SMAD2: variants seen among roughly 807,000 people sequenced by gnomAD.
SMAD2 encodes MAD homolog 2.
SMAD2 carries 8 observed loss-of-function variants against 64.4 expected under a neutral mutation model. That is an observed-to-expected ratio of 0.12 (90% CI 0.07 to 0.22). The LOEUF is 0.22. SMAD2 is among the 10% of genes least tolerant of loss of function. The probability of loss-of-function intolerance (pLI) is 1.00; values close to 1 mark genes in which losing one functional copy is unlikely to be tolerated. For synonymous variants in SMAD2, 203 were observed against 195.8 expected (o/e 1.04, Z -0.31); for missense variants, 289 against 561.2 (o/e 0.51, Z 4.90).
intron 10 of SMAD2, among the ~76,000 whole-genome samples, chr18:47,843,697 A>G (rs1291058135): frequency 6.6e-6 from 1 of 152,200 alleles, no homozygotes; most frequent in Non-Finnish European, 1.5e-5. Flanking sequence ...ATGTTACAGG[A>G]AACTACTTGA....
rs1390118161 is a variant in SMAD2 at position 47,832,237 on chromosome 18, A to AGAACAGTGTCACTACTTCAAGCT, written c.*9567_*9589dup. On this transcript the variant is annotated 3_prime_UTR_variant, in exon 11 of 11. Transcript: ENST00000262160. ...GGCCATTATAAAAATCTCCTGATAC[A>AGAACAGTGTCACTACTTCAAGCT]GAACAGTGTCACTACTTCAAGCTAA... 7 of 152,234 alleles carry AGAACAGTGTCACTACTTCAAGCT rather than the reference A, an allele frequency of 4.6e-5. No homozygotes were observed. The highest frequency in any genetic ancestry group is 1.0e-4 in the Non-Finnish European group (7 of 68,038). 9.4% of individuals were successfully genotyped at this position (152,234 alleles called of 1,614,324 possible). A position where few individuals can be genotyped will look rare whatever the true frequency, so the allele number is the denominator to read the frequency against.
Position 47,835,299 on chromosome 18 carries a change from C to A in SMAD2, c.*6528G>T, listed in dbSNP as rs1396970893. 1 of 209,202 alleles carries A rather than the reference C, an allele frequency of 4.8e-6. No homozygotes were observed. Among genetic ancestry groups the A allele is most frequent in the Non-Finnish European group, 9.7e-6 (1 of 102,862 alleles). The allele number at this position is 209,202 out of a possible 1,614,324, so 13.0% of individuals were successfully genotyped here. On this transcript the variant is annotated 3_prime_UTR_variant, in exon 11 of 11. Coordinates refer to ENST00000262160, the MANE Select transcript of SMAD2 (RefSeq NM_005901.6). ...AAAAATTCAAAACTCATGCATGTTACCTACTTGTCATGTGTGAATTATTTC... is the reference window on the plus strand; with the variant it reads ...AAAAATTCAAAACTCATGCATGTTAACTACTTGTCATGTGTGAATTATTTC...
intron 2 of SMAD2, among the ~76,000 whole-genome samples, chr18:47,874,208 T>C (rs891453033): frequency 6.6e-6 from 1 of 152,180 alleles, no homozygotes; most frequent in African/African-American, 2.4e-5. Flanking sequence ...ATAAAATGTA[T>C]ATGGAAATAC....
Position 47,833,436 on chromosome 18 carries a change from T to G in SMAD2, c.*8391A>C, listed in dbSNP as rs1913108699. 1 of 227,702 alleles carries G rather than the reference T, an allele frequency of 4.4e-6. No homozygotes were observed. The highest frequency in any genetic ancestry group is 5.7e-5 in the Admixed American group (1 of 17,612). 14.1% of individuals were successfully genotyped at this position (227,702 alleles called of 1,614,324 possible). A position where few individuals can be genotyped will look rare whatever the true frequency, so the allele number is the denominator to read the frequency against. ...TAAAAAAGGAACCACATCGTACTTT[T>G]GACAATCATAGAACGAAAGCTCACA... is the stretch of plus-strand genomic sequence containing the variant. On this transcript the variant is annotated 3_prime_UTR_variant, in exon 11 of 11. Coordinates refer to ENST00000262160, the MANE Select transcript of SMAD2 (RefSeq NM_005901.6).
chr18:47,846,356 A>G (rs1480452325), intron 8 of SMAD2, among the ~76,000 whole-genome samples: 1 of 152,150 alleles, frequency 6.6e-6, no homozygotes, highest in Non-Finnish European at 1.5e-5. Context: ...CACAGATGCA[A>G]AATAATATGA....
In SMAD2 at chr18:47,838,974, T is replaced by A. The variant is rs1403026680; in HGVS notation, c.*2853A>T. 8 of 232,284 alleles carry A rather than the reference T, an allele frequency of 3.4e-5. No individual in the cohort carries two copies. In the Admixed American group the frequency reaches 4.0e-4, roughly 11 times the overall value. The allele number at this position is 232,284 out of a possible 1,614,324, so 14.4% of individuals were successfully genotyped here. A position where few individuals can be genotyped will look rare whatever the true frequency, so the allele number is the denominator to read the frequency against. On this transcript the variant is annotated 3_prime_UTR_variant, in exon 11 of 11. Transcript: ENST00000262160. ...AAAATTCAACAAAGAGGGGATTCTA[T>A]CACTTAGAAAAATGAAAACCACACC...
chr18:47,893,756 T>A (rs2033313813), intron 2 of SMAD2, among the ~76,000 whole-genome samples: 1 of 152,184 alleles, frequency 6.6e-6, no homozygotes, highest in Non-Finnish European at 1.5e-5. Flanking sequence ...AAAAACAAGC[T>A]TTATAAAATA....
chr18:47,888,722 G>A (rs573164718), intron 2 of SMAD2, among the ~76,000 whole-genome samples: 5 of 152,312 alleles, frequency 3.3e-5, no homozygotes, highest in African/African-American at 1.2e-4. Context: ...ACTCTGGGGA[G>A]AGCATTATTT....
In SMAD2 at chr18:47,820,362, G is replaced by A. The variant is rs1404722356; in HGVS notation, c.*21465C>T. On this transcript the variant is annotated 3_prime_UTR_variant, in exon 11 of 11. Transcript: ENST00000262160. ...AAATACACAATTCCATATACAAAGT[G>A]TACCCAAAAAAAGATGTTTTGATGA... 1 of 152,050 alleles carries A rather than the reference G, an allele frequency of 6.6e-6. No individual in the cohort carries two copies. The highest frequency in any genetic ancestry group is 1.5e-5 in the Non-Finnish European group (1 of 68,006). The allele number at this position is 152,050 out of a possible 1,614,324, so 9.4% of individuals were successfully genotyped here.
At position 47,814,540 on chromosome 18, in the gene SMAD2, G is replaced by A. The variant is rs1002113344; in HGVS notation, c.*27287C>T. The A allele has an allele frequency of 6.6e-6, 1 of 152,214 alleles. No individual in the cohort carries two copies. The highest frequency in any genetic ancestry group is 2.4e-5 in the African/African-American group (1 of 41,444). The allele number at this position is 152,214 out of a possible 1,614,324, so 9.4% of individuals were successfully genotyped here. A position where few individuals can be genotyped will look rare whatever the true frequency, so the allele number is the denominator to read the frequency against. ...AGTGGAATGACTCCCAGGGCAGGGA[G>A]AGATTGATTGAGATTGCAATTGCCC... On this transcript the variant is annotated 3_prime_UTR_variant, in exon 11 of 11. Coordinates refer to ENST00000262160, the MANE Select transcript of SMAD2 (RefSeq NM_005901.6).
intron 1 of SMAD2, among the ~76,000 whole-genome samples, chr18:47,909,778 C>G (rs1480573590): frequency 6.6e-6 from 1 of 152,188 alleles, no homozygotes; most frequent in Non-Finnish European, 1.5e-5. Flanking sequence ...CAGTAAAAGA[C>G]TGCCTTTTAA....
chr18:47,919,521 A>ACAC (rs1568117016), intron 1 of SMAD2, among the ~76,000 whole-genome samples: 24 of 136,928 alleles, frequency 1.8e-4, no homozygotes, highest in African/African-American at 5.3e-4. Flanking sequence ...CACACACACA[A>ACAC]AGAATAGGAG....
At chr18:47,892,730 A>C (rs1598849273) in intron 2 of SMAD2, among the ~76,000 whole-genome samples, 1 of 152,202 alleles carries the variant, frequency 6.6e-6, no homozygotes, top group Non-Finnish European at 1.5e-5. Context: ...GGACTGGTGG[A>C]AAAAATGATA....
chr18:47,898,858 C>A (rs1205527516), intron 1 of SMAD2, among the ~76,000 whole-genome samples: 1 of 150,326 alleles, frequency 6.7e-6, no homozygotes, highest in Non-Finnish European at 1.5e-5. Context: ...GGCAGCTTGC[C>A]ATTTATTCAT....
intron 1 of SMAD2, among the ~76,000 whole-genome samples, chr18:47,916,156 C>T (rs1237273986): frequency 6.6e-6 from 1 of 152,146 alleles, no homozygotes; most frequent in Non-Finnish European, 1.5e-5. Flanking sequence ...TAAATACTAA[C>T]ATTTTACAAA....
intron 6 of SMAD2, among the ~76,000 whole-genome samples, chr18:47,861,462 A>C (rs190674662): frequency 5.9e-5 from 9 of 152,302 alleles, no homozygotes; most frequent in Non-Finnish European, 1.3e-4. Flanking sequence ...AATATACAAA[A>C]ATCAAGTATT....
chr18:47,875,792 A>T (rs1055416852), intron 2 of SMAD2, among the ~76,000 whole-genome samples: 1 of 152,138 alleles, frequency 6.6e-6, no homozygotes, highest in African/African-American at 2.4e-5. Context: ...TAGCTACTTT[A>T]TATCAAGCAC....
chr18:47,883,790 T>G (rs1383387310), intron 2 of SMAD2, among the ~76,000 whole-genome samples: 2 of 152,180 alleles, frequency 1.3e-5, no homozygotes, highest in Admixed American at 6.5e-5. Context: ...CTTTCATGAG[T>G]TTGACCATGA....
At position 47,841,145 on chromosome 18, in the gene SMAD2, TA is replaced by T. The variant is rs1158092324; in HGVS notation, c.*681del. The T allele has an allele frequency of 2.7e-3, 495 of 181,656 alleles. No individual in the cohort carries two copies. Among genetic ancestry groups the T allele is most frequent in the Middle Eastern group, 8.4e-3 (5 of 598 alleles). 11.3% of individuals were successfully genotyped at this position (181,656 alleles called of 1,614,324 possible). On this transcript the variant is annotated 3_prime_UTR_variant, in exon 11 of 11. Transcript: ENST00000262160. ...TTTCCTTATAATAAGATTTAGCAGTTAAAAAAAAAAACAAAAAAAAACAAAA... is the reference window on the plus strand; with the variant it reads ...TTTCCTTATAATAAGATTTAGCAGTTAAAAAAAAAACAAAAAAAAACAAAA...
Sources: allele counts gnomAD v4.1 joint callset (sites outside exome capture counted in the v4.1 genomes callset), GRCh38; gene constraint gnomAD v4.1.1; transcripts MANE v1.5; gene names NCBI Gene and HGNC (gene_info 2026-07-23, HGNC 2026-07-21).